ADCY2: variants seen among roughly 807,000 people sequenced by gnomAD.
ADCY2 encodes the protein adenylate cyclase 2, also known as adenylate cyclase type 2.
A neutral mutation model predicts 125.2 loss-of-function variants in ADCY2; 31 were observed. The observed-to-expected ratio is 0.25, with a 90% CI of 0.19 to 0.33. The LOEUF (loss-of-function observed/expected upper bound fraction) is 0.33, where lower values mean the gene tolerates loss of function less well. Ranked by LOEUF, ADCY2 falls within the 10% of genes least tolerant of loss-of-function variation. The pLI is 1.00. For synonymous variants in ADCY2, 512 were observed against 548.4 expected, an observed-to-expected ratio of 0.93 and a Z score of 0.93; for missense variants, 904 against 1,418.2, an observed-to-expected ratio of 0.64 and a Z score of 5.82.
At chr5:7,752,009 G>A (rs1194675234) in intron 15 of ADCY2, among the ~76,000 whole-genome samples, 1 of 152,172 alleles carries the variant, frequency 6.6e-6, no homozygotes, top group Non-Finnish European at 1.5e-5. Flanking sequence ...AGAGACAAGT[G>A]CGATATGGTC....
At chr5:7,560,091 C>G (rs1338882428) in intron 3 of ADCY2, among the ~76,000 whole-genome samples, 1 of 152,202 alleles carries the variant, frequency 6.6e-6, no homozygotes, top group Non-Finnish European at 1.5e-5. Context: ...CATATGTGCA[C>G]TAACAGAGAC....
chr5:7,749,306 G>A (rs1742730298), intron 15 of ADCY2, among the ~76,000 whole-genome samples: 1 of 151,762 alleles, frequency 6.6e-6, no homozygotes, highest in African/African-American at 2.4e-5. Flanking sequence ...ATTGTGTTTA[G>A]ATTAAAGTAA....
At chr5:7,683,571 G>A (rs1251303913) in intron 4 of ADCY2, among the ~76,000 whole-genome samples, 1 of 152,102 alleles carries the variant, frequency 6.6e-6, no homozygotes, top group Non-Finnish European at 1.5e-5. Context: ...GCATGATGAG[G>A]CCCACAGTGG....
chr5:7,776,863 C>T (rs1004872854), intron 18 of ADCY2, among the ~76,000 whole-genome samples: 1 of 152,156 alleles, frequency 6.6e-6, no homozygotes, highest in Non-Finnish European at 1.5e-5. Flanking sequence ...GGCCTTTGGA[C>T]TCCAGGACTT....
At position 7,751,987 on chromosome 5, in the gene ADCY2, C is replaced by A. The variant is rs543958338; in HGVS notation, c.1957-5462C>A. On this transcript the variant is annotated intron_variant, in intron 15 of 24. Transcript: ENST00000338316. ...ACCATTTAACAAACACTATACTGGCCTCTGGGAAAACAGAGACAAGTGCGA... is the reference window on the plus strand; with the variant it reads ...ACCATTTAACAAACACTATACTGGCATCTGGGAAAACAGAGACAAGTGCGA... Among the ~76,000 whole-genome samples, 19 of 152,280 alleles carry A rather than the reference C, an allele frequency of 1.2e-4. 1 individual carries two copies. The East Asian group carries it at 3.3e-3, about 26-fold the overall frequency.
At chr5:7,758,060 A>T (rs1040685944) in intron 16 of ADCY2, among the ~76,000 whole-genome samples, 1 of 152,176 alleles carries the variant, frequency 6.6e-6, no homozygotes, top group Admixed American at 6.5e-5. Flanking sequence ...TGGAGTTTAA[A>T]TGATGCGATT....
intron 4 of ADCY2, among the ~76,000 whole-genome samples, chr5:7,660,284 GAA>G (rs1236043106): frequency 1.1e-4 from 17 of 151,528 alleles, no homozygotes; most frequent in African/African-American, 4.1e-4. Context: ...AGGAAGGAAG[GAA>G]GGAAGGAAGG....
intron 18 of ADCY2, among the ~76,000 whole-genome samples, chr5:7,784,020 G>A (rs890266222): frequency 6.6e-6 from 1 of 152,120 alleles, no homozygotes; most frequent in Admixed American, 6.5e-5. Flanking sequence ...GTCTCTTTCC[G>A]AGAGTAATGA....
At chr5:7,412,274 C>T (rs1474479415) in intron 1 of ADCY2, among the ~76,000 whole-genome samples, 3 of 152,134 alleles carry the variant, frequency 2.0e-5, no homozygotes, top group Non-Finnish European at 2.9e-5. Flanking sequence ...GATTGTTTCA[C>T]CCCTGCTGGG....
intron 18 of ADCY2, among the ~76,000 whole-genome samples, chr5:7,777,119 C>A (rs1359990299): frequency 6.6e-6 from 1 of 152,058 alleles, no homozygotes; most frequent in African/African-American, 2.4e-5. Flanking sequence ...AATACATAGA[C>A]CTCCCTCAAG....
chr5:7,521,104 C>T (rs891259107), intron 3 of ADCY2, among the ~76,000 whole-genome samples: 7 of 152,262 alleles, frequency 4.6e-5, no homozygotes, highest in African/African-American at 1.7e-4. Context: ...TAGCAATTAG[C>T]AACTGTAAAA....
chr5:7,754,091 C>T (rs1484170822), intron 15 of ADCY2, among the ~76,000 whole-genome samples: 1 of 152,124 alleles, frequency 6.6e-6, no homozygotes, highest in Non-Finnish European at 1.5e-5. Flanking sequence ...AACCCCCATG[C>T]GTCTAGTAAG....
intron 3 of ADCY2, among the ~76,000 whole-genome samples, chr5:7,522,986 A>G (rs1744511575): frequency 6.6e-6 from 1 of 152,016 alleles, no homozygotes; most frequent in Non-Finnish European, 1.5e-5. Context: ...ACTGTGGGAA[A>G]TCCCTTCTCA....
At chr5:7,647,501 A>G (rs991535568) in intron 4 of ADCY2, among the ~76,000 whole-genome samples, 1 of 152,136 alleles carries the variant, frequency 6.6e-6, no homozygotes, top group Non-Finnish European at 1.5e-5. Context: ...CCTGCTTTCC[A>G]TGACCTGTGA....
chr5:7,591,749 G>T (rs796805164), intron 3 of ADCY2, among the ~76,000 whole-genome samples: 6 of 152,226 alleles, frequency 3.9e-5, no homozygotes, highest in African/African-American at 1.4e-4. Flanking sequence ...TCCACGCATA[G>T]AATCAAACAC....
chr5:7,565,515 C>T (rs1735862228), intron 3 of ADCY2, among the ~76,000 whole-genome samples: 1 of 152,208 alleles, frequency 6.6e-6, no homozygotes, highest in Non-Finnish European at 1.5e-5. Context: ...TTTTCTCCAA[C>T]ATCAGTTTGC....
At chr5:7,464,560 G>A (rs1579469632) in intron 2 of ADCY2, among the ~76,000 whole-genome samples, 1 of 152,264 alleles carries the variant, frequency 6.6e-6, no homozygotes, top group East Asian at 1.9e-4. Context: ...AGCTTGTTAT[G>A]CAGCAGTAGA....
chr5:7,558,059 T>TA (rs1735587182), intron 3 of ADCY2, among the ~76,000 whole-genome samples: 1 of 75,264 alleles, frequency 1.3e-5, no homozygotes, highest in East Asian at 2.0e-4. Flanking sequence ...TTGGTTTTAT[T>TA]TTTTTTTTTT....
intron 24 of ADCY2, among the ~76,000 whole-genome samples, chr5:7,821,830 G>T (rs1391982909): frequency 6.6e-6 from 1 of 152,218 alleles, no homozygotes; most frequent in African/African-American, 2.4e-5. Context: ...AGCAGAAGGG[G>T]AAGGGAGTTC....
Sources: allele counts gnomAD v4.1 joint callset (sites outside exome capture counted in the v4.1 genomes callset), GRCh38; gene constraint gnomAD v4.1.1; transcripts MANE v1.5; gene names NCBI Gene and HGNC (gene_info 2026-07-23, HGNC 2026-07-21).